Variants in LIMK1 observed in about 807,000 individuals in gnomAD.
The protein encoded by LIMK1 is LIM motif-containing protein kinase.
In LIMK1, 21 loss-of-function variants were observed where a neutral mutation model predicts 77.6. That is an observed-to-expected ratio of 0.27 (90% CI 0.19 to 0.39). The LOEUF (loss-of-function observed/expected upper bound fraction) is 0.39, where lower values mean the gene tolerates loss of function less well. Ranked by LOEUF, LIMK1 falls within the 10% of genes least tolerant of loss-of-function variation. The probability of loss-of-function intolerance (pLI) is 1.00; values close to 1 mark genes in which losing one functional copy is unlikely to be tolerated. For synonymous variants in LIMK1, 358 were observed against 370.0 expected (o/e 0.97, Z 0.37); for missense variants, 696 against 901.6 (o/e 0.77, Z 2.92).
At chr7:74,095,784 A>T (rs1357843211) in intron 2 of LIMK1, among the ~76,000 whole-genome samples, 3 of 151,854 alleles carry the variant, frequency 2.0e-5, no homozygotes, top group Non-Finnish European at 1.5e-5. Context: ...CTTGGCTGGG[A>T]AAAAGCCGGG....
chr7:74,113,257 G>T (rs781782782), intron 12 of LIMK1, among the ~76,000 whole-genome samples: 13 of 151,980 alleles, frequency 8.6e-5, no homozygotes, highest in Non-Finnish European at 1.8e-4. Context: ...CTGGGAGGTA[G>T]AGGTTGCAGT....
intron 13 of LIMK1, 104 bp from the exon 14 acceptor site, chr7:74,120,479 G>A: frequency 8.0e-7 from 1 of 1,248,862 alleles, no homozygotes; most frequent in Non-Finnish European, 1.2e-6. Flanking sequence ...CCTGGGCCTG[G>A]ACCTCCCGGC....
Position 74,093,281 on chromosome 7 carries a change from G to A in LIMK1, c.153-3341G>A, listed in dbSNP as rs944652435. The A allele has an allele frequency of 4.9e-5, 75 of 1,535,952 alleles. No individual in the cohort carries two copies. The East Asian group carries it at 1.7e-3, about 35-fold the overall frequency. On this transcript the variant is annotated intron_variant, in intron 2 of 15. Transcript: ENST00000336180. ...TTGGCTTCAGCCCCAAGAAGACGCC[G>A]CTTCCTCCAGAGGGCTAAGTAAGTG...
chr7:74,088,119 C>T lies in LIMK1; in HGVS notation c.152+2275C>T, dbSNP rs144665512. ...ATAACGTCTAACGTTTTCTAACATTCAGTAAGGGACAACCCCTGTTCTAAG... is the reference window on the plus strand; with the variant it reads ...ATAACGTCTAACGTTTTCTAACATTTAGTAAGGGACAACCCCTGTTCTAAG... On this transcript the variant is annotated intron_variant, in intron 2 of 15. Transcript: ENST00000336180. Among the ~76,000 whole-genome samples, 671 of 152,294 alleles carry T rather than the reference C, an allele frequency of 4.4e-3. 3 individuals are homozygous for T. The highest frequency in any genetic ancestry group is 0.02 in the Middle Eastern group (6 of 294).
intron 5 of LIMK1, among the ~76,000 whole-genome samples, chr7:74,104,389 G>A (rs1799524802): frequency 2.0e-5 from 3 of 152,000 alleles, no homozygotes; most frequent in Non-Finnish European, 4.4e-5. Context: ...ACTTTGGGAG[G>A]CCAAGGTGGG....
rs974761497 is a variant in LIMK1 at position 74,121,178 on chromosome 7, C to A, written c.1821C>A (p.Leu607=). 23 of 1,613,724 alleles carry A rather than the reference C, an allele frequency of 1.4e-5. No individual in the cohort carries two copies. The highest frequency in any genetic ancestry group is 1.7e-5 in the Non-Finnish European group (20 of 1,179,960). The change falls in exon 16 of 16, where the codon CTC becomes CTA. Residue 607 remains leucine, a synonymous_variant. Transcript: ENST00000336180. ...AGCTGGAACACTGGCTGGAGACCCT[C>A]CGCATGCACCTGGCCGGCCACCTGC... ...FVKLEHWLET[L]RMHLAGHLPL...
In LIMK1 at chr7:74,121,364, C is replaced by T. The variant is rs1481245260; in HGVS notation, c.*63C>T. ...AGAATCCACCCCCACCAGATTCCTC[C>T]GCGGGAGGTGGCCCTCAGCTGGGAC... On this transcript the variant is annotated 3_prime_UTR_variant, in exon 16 of 16. Coordinates refer to ENST00000336180, the MANE Select transcript of LIMK1 (RefSeq NM_002314.4). The T allele has an allele frequency of 7.0e-6, 10 of 1,436,954 alleles. No individual in the cohort carries two copies. The African/African-American group carries it at 7.1e-5, about 10-fold the overall frequency. 89.0% of individuals were successfully genotyped at this position (1,436,954 alleles called of 1,614,324 possible).
intron 13 of LIMK1, among the ~76,000 whole-genome samples, chr7:74,118,880 ATTTTGTTTTTTGTT>A (rs200172259): frequency 2.2e-4 from 34 of 152,042 alleles, no homozygotes; most frequent in African/African-American, 8.0e-4. Flanking sequence ...TGTTTCGGGT[ATTTTGTTTTTTGTT>A]TTTTGTTTTT....
chr7:74,098,929 AAG>A, intron 4 of LIMK1, 101 bp from the exon 5 acceptor site: 2 of 889,208 alleles, frequency 2.2e-6, no homozygotes, highest in Non-Finnish European at 3.5e-6. Flanking sequence ...AAAAAAAAAA[AAG>A]GAAGGGATTG....
intron 5 of LIMK1, among the ~76,000 whole-genome samples, chr7:74,102,200 C>T (rs1252727843): frequency 2.6e-5 from 4 of 152,030 alleles, no homozygotes; most frequent in African/African-American, 4.8e-5. Context: ...TTTTCATCTT[C>T]GCATTTTGCA....
rs782033810 is a variant in LIMK1 at position 74,111,923 on chromosome 7, C to G, written c.1345-10C>G. On this transcript the variant is annotated splice_polypyrimidine_tract_variant and intron_variant, in intron 11 of 15. Coordinates refer to ENST00000336180, the MANE Select transcript of LIMK1 (RefSeq NM_002314.4). ...CAGCTGCCCCCTGACTCCCGTGTCCCCGTCCCTAGGCCTACCTCCACTCCA... is the reference window on the plus strand; with the variant it reads ...CAGCTGCCCCCTGACTCCCGTGTCCGCGTCCCTAGGCCTACCTCCACTCCA... 1.2e-6 allele frequency: 2 copies of G among 1,612,252 alleles called. No homozygotes were observed. The highest frequency in any genetic ancestry group is 2.2e-5 in the South Asian group (2 of 91,050).
At chr7:74,119,946 T>C (rs1563926491) in intron 13 of LIMK1, among the ~76,000 whole-genome samples, 1 of 152,096 alleles carries the variant, frequency 6.6e-6, no homozygotes, top group Admixed American at 6.6e-5. Flanking sequence ...CCCTCTTAGT[T>C]TTGGAAGCCA....
At chr7:74,084,075 G>A in intron 1 of LIMK1, 30 bp downstream of exon 1, 1 of 1,365,470 alleles carries the variant, frequency 7.3e-7, no homozygotes, top group Admixed American at 2.4e-5. Context: ...TGGGGCGAGG[G>A]CCTGGAGGGG....
chr7:74,104,171 A>G (rs868918613), intron 5 of LIMK1, among the ~76,000 whole-genome samples: 1 of 151,892 alleles, frequency 6.6e-6, no homozygotes, highest in East Asian at 1.9e-4. Context: ...GTCTCAAGCA[A>G]TCCTCCCACC....
rs569625381 is a variant in LIMK1, at chr7:74,109,065, C to G, written c.1284+29C>G. ...AGTCCTGGGCAGAGCCAGCCACCCC[C>G]GCTGTGCGGCCCCGGGCAAAGCAGC... is the stretch of plus-strand genomic sequence containing the variant. On this transcript the variant is annotated intron_variant, in intron 10 of 15. Coordinates refer to ENST00000336180, the MANE Select transcript of LIMK1 (RefSeq NM_002314.4). 428 of 1,564,396 alleles carry G rather than the reference C, an allele frequency of 2.7e-4. 11 individuals carry two copies. The South Asian group carries it at 4.6e-3, about 17-fold the overall frequency.
chr7:74,099,957 C>CAA (rs34776706), intron 5 of LIMK1, among the ~76,000 whole-genome samples: 45 of 82,278 alleles, frequency 5.5e-4, no homozygotes, highest in Admixed American at 8.0e-4. Context: ...TGCATGTCTA[C>CAA]AAAAAAAAAA....
chr7:74,108,745 C>CA (rs1407174915), intron 9 of LIMK1, among the ~76,000 whole-genome samples, 160 bp from the exon 10 acceptor site: 1 of 151,502 alleles, frequency 6.6e-6, no homozygotes, highest in African/African-American at 2.4e-5. Flanking sequence ...GCAGAGGGCA[C>CA]AGGACGCCAG....
At chr7:74,109,557 C>T (rs1393414905) in intron 10 of LIMK1, 8 of 156,656 alleles carry the variant, frequency 5.1e-5, no homozygotes, top group African/African-American at 1.9e-4. Flanking sequence ...CCCGTCTCTA[C>T]TAAAAATACA....
At chr7:74,119,325 C>T (rs782138719) in intron 13 of LIMK1, among the ~76,000 whole-genome samples, 12 of 151,648 alleles carry the variant, frequency 7.9e-5, no homozygotes, top group Non-Finnish European at 1.2e-4. Context: ...ATTACAGGCA[C>T]CTGCCACCAT....
Sources: gnomAD v4.1 joint callset for allele counts (sites outside exome capture counted in the v4.1 genomes callset) on GRCh38, gnomAD v4.1.1 for gene constraint, MANE v1.5 for transcripts, NCBI Gene and HGNC (gene_info 2026-07-23, HGNC 2026-07-21) for gene names.